The following IL1RAPL1 variants were observed in gnomAD, a reference collection of about 807,000 sequenced individuals.
IL1RAPL1 encodes interleukin-1 receptor accessory protein-like 1.
IL1RAPL1 carries 3 observed loss-of-function variants against 48.4 expected under a neutral mutation model. That is an observed-to-expected ratio of 0.06 (90% CI 0.03 to 0.16). IL1RAPL1 has a LOEUF of 0.16. Ranked by LOEUF, IL1RAPL1 falls within the 10% of genes least tolerant of loss-of-function variation. The pLI is 1.00. For missense variants in IL1RAPL1, 349 were observed against 530.6 expected (o/e 0.66, Z 3.36); for synonymous variants, 185 against 187.7 (o/e 0.99, Z 0.12).
chrX:29,159,734 C>CT (rs951184942), intron 2 of IL1RAPL1, among the ~76,000 whole-genome samples: 5 of 110,425 alleles, frequency 4.5e-5, no homozygotes, highest in South Asian at 3.8e-4. Context: ...TATCACAATT[C>CT]TTTTTTTTTG....
At chrX:29,856,203 T>A (rs1306463920) in intron 6 of IL1RAPL1, among the ~76,000 whole-genome samples, 1 of 111,522 alleles carries the variant, frequency 9.0e-6, no homozygotes, top group African/African-American at 3.3e-5. Context: ...TTATATTTGA[T>A]TTTAGAAAAT....
intron 6 of IL1RAPL1, among the ~76,000 whole-genome samples, chrX:29,779,509 C>G (rs1471266654): frequency 1.8e-5 from 2 of 111,078 alleles, no homozygotes; most frequent in Non-Finnish European, 3.8e-5. Context: ...TACATATTAC[C>G]TAGGTGATGA....
chrX:28,848,987 T>A lies in IL1RAPL1; in HGVS notation c.82+59562T>A, dbSNP rs779963532. On this transcript the variant is annotated intron_variant, in intron 2 of 10. Coordinates refer to ENST00000378993, the MANE Select transcript of IL1RAPL1 (RefSeq NM_014271.4). ...CTGAGTCTGTAAACCTTTAGACCTC[T>A]GATTCTTTCAGCCCTAAGCTGATAG... is the stretch of plus-strand genomic sequence containing the variant. 3.6e-5 allele frequency among the ~76,000 whole-genome samples: 4 copies of A among 111,776 alleles called. No individual in the cohort carries two copies. The South Asian group carries it at 1.5e-3, about 42-fold the overall frequency.
intron 2 of IL1RAPL1, among the ~76,000 whole-genome samples, chrX:28,877,118 C>A (rs1270114882): frequency 8.9e-6 from 1 of 112,131 alleles, no homozygotes; most frequent in Non-Finnish European, 1.9e-5. Context: ...CCTCTACTTT[C>A]AATGTTTCTA....
intron 5 of IL1RAPL1, among the ~76,000 whole-genome samples, chrX:29,574,509 T>C (rs962278552): frequency 1.8e-5 from 2 of 110,332 alleles, no homozygotes; most frequent in African/African-American, 6.6e-5. Flanking sequence ...GTCTGAAGTC[T>C]CATGTGAGAC....
chrX:29,454,930 G>A (rs1029424801), intron 5 of IL1RAPL1, among the ~76,000 whole-genome samples: 5 of 110,548 alleles, frequency 4.5e-5, no homozygotes, highest in African/African-American at 1.3e-4. Context: ...GAAAGAGTGG[G>A]TAGATCCCGA....
chrX:29,131,698 A>G (rs919254607), intron 2 of IL1RAPL1, among the ~76,000 whole-genome samples: 1 of 111,709 alleles, frequency 9.0e-6, no homozygotes, highest in Non-Finnish European at 1.9e-5. Context: ...TGGTAAAAAT[A>G]CAAAACCCTG....
At chrX:29,598,769 C>A (rs1224911521) in intron 5 of IL1RAPL1, among the ~76,000 whole-genome samples, 2 of 111,720 alleles carry the variant, frequency 1.8e-5, no homozygotes, top group African/African-American at 6.5e-5. Flanking sequence ...GTACTTTTAG[C>A]ATTATATAAT....
intron 6 of IL1RAPL1, among the ~76,000 whole-genome samples, chrX:29,729,093 TAGTC>T (rs1927852528): frequency 9.0e-6 from 1 of 111,580 alleles, no homozygotes; most frequent in East Asian, 2.8e-4. Flanking sequence ...TGGGTAGAAA[TAGTC>T]AGAGACATCA....
intron 2 of IL1RAPL1, among the ~76,000 whole-genome samples, chrX:28,836,063 C>T (rs1921198376): frequency 9.1e-6 from 1 of 109,995 alleles, no homozygotes; most frequent in African/African-American, 3.3e-5. Flanking sequence ...AATGTTGATG[C>T]CTAAAAGACA....
At chrX:28,761,653 C>T (rs1006530467) in intron 1 of IL1RAPL1, among the ~76,000 whole-genome samples, 5 of 111,369 alleles carry the variant, frequency 4.5e-5, no homozygotes, top group African/African-American at 1.6e-4. Context: ...ATCCCCACTA[C>T]CTGGGAGATG....
At chrX:28,677,671 T>C (rs780296828) in intron 1 of IL1RAPL1, among the ~76,000 whole-genome samples, 1 of 110,639 alleles carries the variant, frequency 9.0e-6, no homozygotes, top group East Asian at 2.8e-4. Context: ...CACTGTATCC[T>C]CTGCCTCCTG....
chrX:29,658,017 T>C (rs1337572550), intron 5 of IL1RAPL1, among the ~76,000 whole-genome samples: 10 of 111,761 alleles, frequency 8.9e-5, no homozygotes, highest in Non-Finnish European at 1.5e-4. Context: ...ATACACAAAT[T>C]TATTTAAAAT....
intron 2 of IL1RAPL1, among the ~76,000 whole-genome samples, chrX:29,156,031 T>C (rs1929562782): frequency 9.0e-6 from 1 of 111,368 alleles, no homozygotes; most frequent in Non-Finnish European, 1.9e-5. Flanking sequence ...TTACATTATT[T>C]ATTTATTGCA....
chrX:28,706,429 T>A (rs946373108), intron 1 of IL1RAPL1, among the ~76,000 whole-genome samples: 29 of 110,785 alleles, frequency 2.6e-4, no homozygotes, highest in Middle Eastern at 4.2e-3. Context: ...TCTTTTTTTT[T>A]TTTGAGACAG....
At chrX:29,649,651 C>G (rs1341607229) in intron 5 of IL1RAPL1, among the ~76,000 whole-genome samples, 5 of 111,745 alleles carry the variant, frequency 4.5e-5, no homozygotes, top group Non-Finnish European at 9.4e-5. Flanking sequence ...CAGCTAACAT[C>G]ATGCTGAATG....
chrX:29,829,154 CTACACACA>C (rs1476348452), intron 6 of IL1RAPL1, among the ~76,000 whole-genome samples: 1 of 40,008 alleles, frequency 2.5e-5, no homozygotes, highest in African/African-American at 9.5e-5. Flanking sequence ...GGACAAAAAC[CTACACACA>C]CACACACACA....
intron 6 of IL1RAPL1, among the ~76,000 whole-genome samples, chrX:29,845,976 C>T (rs377499051): frequency 3.1e-4 from 34 of 110,954 alleles, no homozygotes; most frequent in African/African-American, 9.2e-4. Context: ...GGTGCTATAC[C>T]GTTCATGAGA....
At chrX:28,837,381 A>G (rs2147289938) in intron 2 of IL1RAPL1, among the ~76,000 whole-genome samples, 1 of 111,329 alleles carries the variant, frequency 9.0e-6, no homozygotes, top group Non-Finnish European at 1.9e-5. Flanking sequence ...AGGGGCCTTC[A>G]GTGTAGCAAA....
Sources: allele counts gnomAD v4.1 joint callset (sites outside exome capture counted in the v4.1 genomes callset), GRCh38; gene constraint gnomAD v4.1.1; transcripts MANE v1.5; gene names NCBI Gene and HGNC (gene_info 2026-07-23, HGNC 2026-07-21).